ABAT: variants seen among roughly 807,000 people sequenced by gnomAD.
The protein encoded by ABAT is 4-aminobutyrate aminotransferase, mitochondrial.
ABAT carries 45 observed loss-of-function variants against 64.6 expected under a neutral mutation model. That is an observed-to-expected ratio of 0.70 (90% confidence interval 0.55 to 0.89). The LOEUF (loss-of-function observed/expected upper bound fraction) is 0.89. Among genes scored for constraint, ABAT ranks in the 40% least tolerant of loss-of-function variants. ABAT has a pLI of 0.00. For missense variants in ABAT, 633 were observed against 658.4 expected (o/e 0.96, Z 0.42); for synonymous variants, 297 against 250.5 (o/e 1.19, Z -1.75).
chr16:8,727,967 C>A (rs566824254), intron 1 of ABAT, among the ~76,000 whole-genome samples: 2 of 152,194 alleles, frequency 1.3e-5, no homozygotes, highest in Admixed American at 6.5e-5. Flanking sequence ...GCTACTTGGA[C>A]GGCTGAGATG....
intron 1 of ABAT, among the ~76,000 whole-genome samples, chr16:8,701,535 T>G (rs889956254): frequency 6.6e-6 from 1 of 152,244 alleles, no homozygotes; most frequent in Non-Finnish European, 1.5e-5. Context: ...CTATCCGATG[T>G]GACTGAGCAG....
Position 8,776,192 on chromosome 16 carries a change from G to A in ABAT, c.1123-152G>A, listed in dbSNP as rs998892810. ...AGCCTCTGGTAGAGAAGAATTCAGCGAGATTGGGTGTGTTCCCCTGCCAGC... is the reference window on the plus strand; with the variant it reads ...AGCCTCTGGTAGAGAAGAATTCAGCAAGATTGGGTGTGTTCCCCTGCCAGC... On this transcript the variant is annotated intron_variant, in intron 13 of 15. Transcript: ENST00000268251. This position sits in a 1 kb window ranked among gnomAD's most constrained non-coding sequence, Gnocchi z 4.4. The A allele has an allele frequency of 1.9e-5, 20 of 1,028,144 alleles. No homozygotes were observed. The highest frequency in any genetic ancestry group is 1.1e-4 in the South Asian group (8 of 74,352). 63.7% of individuals were successfully genotyped at this position (1,028,144 alleles called of 1,614,324 possible).
chr16:8,757,800 A>G lies in ABAT; in HGVS notation c.360A>G (p.Gln120=), dbSNP rs200690363. 1 of 1,614,044 alleles carries G rather than the reference A, an allele frequency of 6.2e-7. No individual in the cohort carries two copies. Among genetic ancestry groups the G allele is most frequent in the East Asian group, 2.2e-5 (1 of 44,874 alleles). The part of the protein sequence containing the change: ...PALLKLIQQP[Q]NASMFVNRPA... ...TGCTGAAACTCATCCAACAGCCTCA[A>G]AATGCGGTAGGTCTTGGGGTTACAC... The change falls in exon 6 of 16, where the codon CAA becomes CAG. Residue 120 remains glutamine (Q), a synonymous_variant. Transcript: ENST00000268251.
chr16:8,696,864 G>A (rs1567273871), intron 1 of ABAT, among the ~76,000 whole-genome samples: 1 of 152,180 alleles, frequency 6.6e-6, no homozygotes, highest in Non-Finnish European at 1.5e-5. Context: ...CAGGTTAAGT[G>A]AACATTCATT....
chr16:8,776,564 T>C lies in ABAT; in HGVS notation c.1269+74T>C. 1.4e-6 allele frequency: 2 copies of C among 1,442,892 alleles called. No homozygotes were observed. The highest frequency in any genetic ancestry group is 1.9e-6 in the Non-Finnish European group (2 of 1,055,510). 89.4% of individuals were successfully genotyped at this position (1,442,892 alleles called of 1,614,324 possible). A position where few individuals can be genotyped will look rare whatever the true frequency, so the allele number is the denominator to read the frequency against. On this transcript the variant is annotated intron_variant, in intron 14 of 15. Transcript: ENST00000268251. This position sits in a 1 kb window ranked among gnomAD's most constrained non-coding sequence, Gnocchi z 4.4. ...GCAGCCTCCGGGGCAACACTGGAGC[T>C]CTTCGGCATGGTGTTGTGCCTGCTG...
At chr16:8,706,370 A>G (rs2057942884) in intron 1 of ABAT, among the ~76,000 whole-genome samples, 1 of 144,708 alleles carries the variant, frequency 6.9e-6, no homozygotes, top group Non-Finnish European at 1.5e-5. Flanking sequence ...TTACCACTGC[A>G]CTCCAGCCTG....
chr16:8,738,801 T>C (rs1309685957), intron 2 of ABAT, among the ~76,000 whole-genome samples: 1 of 151,832 alleles, frequency 6.6e-6, no homozygotes, highest in Non-Finnish European at 1.5e-5. Context: ...CCTGCCACCA[T>C]GCCCGGCTAA....
rs56329419 is a variant in ABAT, at chr16:8,706,404, CAAA to C, written c.-41-29278_-41-29276del. On this transcript the variant is annotated intron_variant, in intron 1 of 15. Coordinates refer to ENST00000268251, the MANE Select transcript of ABAT (RefSeq NM_020686.6). ...TGGGCAACAGAGTGAGACCCTGTTT[CAAA>C]AAAAAAAAAAAAAAAAGAAAAGACC... Among the ~76,000 whole-genome samples, 49 of 95,078 alleles carry C rather than the reference CAAA, an allele frequency of 5.2e-4. 1 individual carries two copies. Among genetic ancestry groups the C allele is most frequent in the African/African-American group, 2.2e-3 (46 of 20,866 alleles). The allele number at this position is 95,078 out of a possible 152,430, so 62.4% of individuals were successfully genotyped here. A position where few individuals can be genotyped will look rare whatever the true frequency, so the allele number is the denominator to read the frequency against.
Position 8,688,060 on chromosome 16 carries a change from A to G in ABAT, c.-42+13349A>G, listed in dbSNP as rs527679679. ...CTATAGGCCCGTTCCCTGCCCCGCT[A>G]TTTTACTTATTTTTTATTTTTTTTG... On this transcript the variant is annotated intron_variant, in intron 1 of 15. Coordinates refer to ENST00000268251, the MANE Select transcript of ABAT (RefSeq NM_020686.6). 3.0e-3 allele frequency among the ~76,000 whole-genome samples: 409 copies of G among 135,978 alleles called. 2 individuals are homozygous for G. Among genetic ancestry groups the G allele is most frequent in the African/African-American group, 0.011 (389 of 36,750 alleles). 89.2% of individuals were successfully genotyped at this position (135,978 alleles called of 152,430 possible). A position where few individuals can be genotyped will look rare whatever the true frequency, so the allele number is the denominator to read the frequency against.
At chr16:8,721,803 C>A (rs1016074852) in intron 1 of ABAT, among the ~76,000 whole-genome samples, 7 of 152,152 alleles carry the variant, frequency 4.6e-5, no homozygotes, top group African/African-American at 1.7e-4. Flanking sequence ...CGCCCCTCCC[C>A]GCAATGCACC....
chr16:8,719,228 G>A (rs982111220), intron 1 of ABAT, among the ~76,000 whole-genome samples: 1 of 152,182 alleles, frequency 6.6e-6, no homozygotes, highest in Non-Finnish European at 1.5e-5. Context: ...TTTACAAGCC[G>A]GACCTTCTGT....
At chr16:8,706,425 A>G (rs1036549064) in intron 1 of ABAT, among the ~76,000 whole-genome samples, 1 of 139,620 alleles carries the variant, frequency 7.2e-6, no homozygotes, top group Non-Finnish European at 1.6e-5. Flanking sequence ...AAAAAAAAAG[A>G]AAAGACCAGG....
At chr16:8,750,656 A>G in intron 5 of ABAT, 117 bp downstream of exon 5, 1 of 896,406 alleles carries the variant, frequency 1.1e-6, no homozygotes, top group Admixed American at 1.7e-5. Context: ...GTTGCCTGAC[A>G]CTTCACCCAA....
At chr16:8,726,683 G>GTTCC (rs1490721683) in intron 1 of ABAT, among the ~76,000 whole-genome samples, 46 of 152,186 alleles carry the variant, frequency 3.0e-4, no homozygotes, top group African/African-American at 1.1e-3. Context: ...GATATACTGA[G>GTTCC]TTCCTTCCTT....
At position 8,678,827 on chromosome 16, in the gene ABAT, T is replaced by A. The variant is rs1358461222; in HGVS notation, c.-42+4116T>A. Among the ~76,000 whole-genome samples, 6 of 152,356 alleles carry A rather than the reference T, an allele frequency of 3.9e-5. No homozygotes were observed. The South Asian group carries it at 1.2e-3, about 32-fold the overall frequency. ...GACCTTGAAAGGTTCCTGAGTCATA[T>A]TATTTAGTGAAAAAGATAAAGTCAC... On this transcript the variant is annotated intron_variant, in intron 1 of 15. Coordinates refer to ENST00000268251, the MANE Select transcript of ABAT (RefSeq NM_020686.6).
Position 8,724,731 on chromosome 16 carries a change from GAAAAAAAAAAAAAACAAAAAAAAAA to G in ABAT, c.-41-10954_-41-10930del, listed in dbSNP as rs1197906031. On this transcript the variant is annotated intron_variant, in intron 1 of 15. Transcript: ENST00000268251. ...GCAATAGAGCCAGACCTTGTCTCAG[GAAAAAAAAAAAAAACAAAAAAAAAA>G]AAAAAAAAAAAAACAATGGCAATCT... 5.3e-4 allele frequency among the ~76,000 whole-genome samples: 39 copies of G among 73,208 alleles called. 1 individual carries two copies. In the South Asian group the frequency reaches 0.019, roughly 36 times the overall value. 48.0% of individuals were successfully genotyped at this position (73,208 alleles called of 152,430 possible).
intron 1 of ABAT, among the ~76,000 whole-genome samples, chr16:8,695,999 G>T (rs2057693112): frequency 6.6e-6 from 1 of 152,240 alleles, no homozygotes; most frequent in African/African-American, 2.4e-5. Flanking sequence ...TAGACAAGAA[G>T]GCGTCCAGCC....
chr16:8,737,658 C>G (rs77060236), intron 2 of ABAT, among the ~76,000 whole-genome samples: 15,226 of 151,200 alleles, frequency 0.1, 1,003 homozygotes, highest in East Asian at 0.21. Context: ...CGCGGTGGCT[C>G]ACGCCTATAA....
intron 10 of ABAT, 140 bp downstream of exon 10, chr16:8,768,396 A>G: frequency 1.1e-6 from 1 of 946,736 alleles, no homozygotes; most frequent in Non-Finnish European, 1.7e-6. Flanking sequence ...GGGGATTATT[A>G]TTCCTGCTTT....
Sources: gnomAD v4.1 joint callset for allele counts (sites outside exome capture counted in the v4.1 genomes callset) on GRCh38, gnomAD v4.1.1 for gene constraint, Gnocchi (gnomAD v3.1) non-coding constraint, MANE v1.5 for transcripts, NCBI Gene and HGNC (gene_info 2026-07-23, HGNC 2026-07-21) for gene names.